ACTR3C: variants seen among roughly 807,000 people sequenced by gnomAD.
The protein encoded by ACTR3C is actin-related protein 3C.
ACTR3C carries 18 observed loss-of-function variants against 26.3 expected under a neutral mutation model. That is an observed-to-expected ratio of 0.68 (90% confidence interval 0.47 to 1.01). ACTR3C has a LOEUF of 1.01. ACTR3C is among the 50% of genes least tolerant of loss of function. ACTR3C has a pLI of 0.00. For synonymous variants in ACTR3C, 55 were observed against 94.5 expected (o/e 0.58, Z 2.42); for missense variants, 184 against 250.7 (o/e 0.73, Z 1.80).
At chr7:150,232,345 A>G in the ACTR3C span, among the ~76,000 whole-genome samples, 1 of 151,984 alleles carries the variant, frequency 6.6e-6, no homozygotes, top group Non-Finnish European at 1.5e-5. Flanking sequence ...GCTTCTTTAC[A>G]CCGTTTAGAT....
the ACTR3C span, among the ~76,000 whole-genome samples, chr7:149,901,302 G>T: frequency 6.6e-6 from 1 of 150,804 alleles, no homozygotes; most frequent in Non-Finnish European, 1.5e-5. Context: ...TCTACAGGTA[G>T]AATTACAATG....
At chr7:150,062,473 G>A in the ACTR3C span, among the ~76,000 whole-genome samples, 23 of 148,362 alleles carry the variant, frequency 1.6e-4, no homozygotes, top group Admixed American at 1.3e-4. Flanking sequence ...CATAACCAGT[G>A]TTTGTCACGG....
intron 6 of ACTR3C, among the ~76,000 whole-genome samples, chr7:150,259,291 A>AAAAG (rs60293189): frequency 4.7e-4 from 71 of 149,556 alleles, no homozygotes; most frequent in African/African-American, 1.6e-3. Flanking sequence ...GAAAGAAAGA[A>AAAAG]AAAGAAAGAA....
At chr7:150,171,614 G>A in the ACTR3C span, among the ~76,000 whole-genome samples, 2 of 150,236 alleles carry the variant, frequency 1.3e-5, no homozygotes, top group Admixed American at 1.3e-4. Context: ...GGAAGTAGAA[G>A]AAAGGAAATA....
chr7:150,318,710 C>T (rs191444632), intron 1 of ACTR3C, among the ~76,000 whole-genome samples: 2 of 152,302 alleles, frequency 1.3e-5, no homozygotes, highest in East Asian at 3.9e-4. Flanking sequence ...CGCACCACTG[C>T]GCTCCAGCCT....
chr7:149,989,580 T>C, the ACTR3C span, among the ~76,000 whole-genome samples: 1 of 152,232 alleles, frequency 6.6e-6, no homozygotes, highest in Admixed American at 6.5e-5. Flanking sequence ...GTCCTCCAGG[T>C]TCATTCATGT....
the ACTR3C span, among the ~76,000 whole-genome samples, chr7:150,043,429 C>T: frequency 6.6e-6 from 1 of 152,244 alleles, no homozygotes; most frequent in African/African-American, 2.4e-5. Context: ...CAGGTTTTGC[C>T]CAAGAGTCAG....
the ACTR3C span, among the ~76,000 whole-genome samples, chr7:150,042,259 CG>C: frequency 4.9e-5 from 1 of 20,456 alleles, no homozygotes; most frequent in African/African-American, 3.3e-4. Flanking sequence ...CCCACCCTTG[CG>C]GTGGGTGCCT....
At chr7:150,101,267 T>C in the ACTR3C span, among the ~76,000 whole-genome samples, 2 of 151,584 alleles carry the variant, frequency 1.3e-5, no homozygotes, top group Non-Finnish European at 2.9e-5. Context: ...GGGCATGCCA[T>C]TGTGGAGAAA....
chr7:150,037,303 T>A, the ACTR3C span, among the ~76,000 whole-genome samples: 1 of 45,532 alleles, frequency 2.2e-5, no homozygotes, highest in Non-Finnish European at 5.1e-5. Context: ...CCTAAGGATC[T>A]TAGGATCAAC....
At chr7:150,255,253 T>C (rs1477033964) in intron 6 of ACTR3C, among the ~76,000 whole-genome samples, 1 of 150,244 alleles carries the variant, frequency 6.7e-6, no homozygotes, top group Admixed American at 6.6e-5. Flanking sequence ...TTTTTTTTTT[T>C]TTTTTTTTTT....
At chr7:150,037,914 C>A in the ACTR3C span, among the ~76,000 whole-genome samples, 37 of 133,628 alleles carry the variant, frequency 2.8e-4, 2 homozygotes, top group South Asian at 4.2e-3. Context: ...TCAGTCCCCG[C>A]GTCGCGAGGG....
the ACTR3C span, among the ~76,000 whole-genome samples, chr7:150,197,613 C>T: frequency 2.0e-5 from 3 of 152,246 alleles, no homozygotes; most frequent in South Asian, 6.2e-4. Flanking sequence ...GCTTGTTAGT[C>T]GATGATTCCC....
chr7:150,249,018 C>A lies in ACTR3C; in HGVS notation c.601G>T (p.Gly201Ter). The A allele has an allele frequency of 1.5e-6, 1 of 685,342 alleles. No individual in the cohort carries two copies. The highest frequency in any genetic ancestry group is 2.7e-6 in the Non-Finnish European group (1 of 377,350). The allele number at this position is 685,342 out of a possible 1,614,324, so 42.5% of individuals were successfully genotyped here. A position where few individuals can be genotyped will look rare whatever the true frequency, so the allele number is the denominator to read the frequency against. ...QIPLSYPQGHGFHPLSPPFH is the reference protein window; with the variant it reads ...QIPLSYPQGH ...AATGGAGGTGACAGAGGATGGAATC[C>A]GTGACCTTGAGGATAGCTCAGTGGA... Residue 201 changes from glycine (G) to a stop codon, truncating the protein, a stop_gained, in exon 7 of 8, where the codon GGA becomes TGA. Transcript: ENST00000683684. LOFTEE classifies it high-confidence loss of function.
chr7:150,162,959 C>T, the ACTR3C span, among the ~76,000 whole-genome samples: 1 of 152,108 alleles, frequency 6.6e-6, no homozygotes, highest in Non-Finnish European at 1.5e-5. Flanking sequence ...CGAGACCAGT[C>T]TGGCCAACAT....
the ACTR3C span, among the ~76,000 whole-genome samples, chr7:150,188,398 A>G: frequency 6.6e-6 from 1 of 151,498 alleles, no homozygotes; most frequent in African/African-American, 2.4e-5. Context: ...TGGAATGACT[A>G]TGAATAAAGT....
the ACTR3C span, among the ~76,000 whole-genome samples, chr7:149,951,497 G>A: frequency 6.7e-6 from 1 of 149,152 alleles, no homozygotes; most frequent in African/African-American, 2.6e-5. Context: ...AGAACTCAGG[G>A]CCCTGTGGTG....
the ACTR3C span, among the ~76,000 whole-genome samples, chr7:149,887,650 CA>C: frequency 2.6e-5 from 4 of 152,220 alleles, no homozygotes; most frequent in Non-Finnish European, 5.9e-5. Context: ...GCACACTAAT[CA>C]CAAAATGACC....
At chr7:149,973,479 G>A in the ACTR3C span, among the ~76,000 whole-genome samples, 1 of 152,182 alleles carries the variant, frequency 6.6e-6, no homozygotes, top group Non-Finnish European at 1.5e-5. Context: ...TTCAGATTGA[G>A]CTTTAATTGA....
Sources: allele counts gnomAD v4.1 joint callset (sites outside exome capture counted in the v4.1 genomes callset), GRCh38; gene constraint gnomAD v4.1.1; transcripts MANE v1.5; gene names NCBI Gene and HGNC (gene_info 2026-07-23, HGNC 2026-07-21).